The following FIGN variants were observed in gnomAD, a reference collection of about 807,000 sequenced individuals.
FIGN encodes fidgetin, microtubule severing factor, also known as fidgetin.
FIGN carries 11 observed loss-of-function variants against 51.3 expected under a neutral mutation model. The observed-to-expected ratio is 0.21, with a 90% CI of 0.13 to 0.35. FIGN has a LOEUF of 0.35. Among genes scored for constraint, FIGN ranks in the 10% least tolerant of loss-of-function variants. The pLI is 1.00. For missense variants in FIGN, 857 were observed against 943.6 expected (o/e 0.91, Z 1.20); for synonymous variants, 407 against 363.2 (o/e 1.12, Z -1.37).
chr2:163,635,701 G>A (rs370525209), intron 2 of FIGN, among the ~76,000 whole-genome samples: 30 of 152,218 alleles, frequency 2.0e-4, no homozygotes, highest in South Asian at 1.2e-3. Flanking sequence ...TTAACAGAGC[G>A]TATACCATGA....
At chr2:163,637,963 C>T (rs1169519905) in intron 2 of FIGN, among the ~76,000 whole-genome samples, 1 of 152,092 alleles carries the variant, frequency 6.6e-6, no homozygotes, top group Non-Finnish European at 1.5e-5. Flanking sequence ...AATAGACAGT[C>T]ATCTGCAAAT....
intron 2 of FIGN, among the ~76,000 whole-genome samples, chr2:163,632,921 T>TA (rs1683170078): frequency 6.6e-6 from 1 of 152,160 alleles, no homozygotes; most frequent in Non-Finnish European, 1.5e-5. Context: ...CCAGGTTGGG[T>TA]GGCTCATGCC....
At chr2:163,715,564 G>A (rs1182150021) in intron 2 of FIGN, among the ~76,000 whole-genome samples, 1 of 152,184 alleles carries the variant, frequency 6.6e-6, no homozygotes, top group Non-Finnish European at 1.5e-5. Context: ...GCATTGACAG[G>A]TACATGCAAA....
rs1684220101 is a variant in FIGN at position 163,690,296 on chromosome 2, A to G, written c.25+44607T>C. Among the ~76,000 whole-genome samples, 5 of 152,204 alleles carry G rather than the reference A, an allele frequency of 3.3e-5. No individual in the cohort carries two copies. The South Asian group carries it at 1.0e-3, about 31-fold the overall frequency. On this transcript the variant is annotated intron_variant, in intron 2 of 2. Coordinates refer to ENST00000333129, the MANE Select transcript of FIGN (RefSeq NM_018086.4). ...CTAACTCAGGAATGGACATAATTGTAGTTCAAAACAATAGGTTATATCTTC... is the reference window on the plus strand; with the variant it reads ...CTAACTCAGGAATGGACATAATTGTGGTTCAAAACAATAGGTTATATCTTC...
At chr2:163,645,843 T>C (rs1683373591) in intron 2 of FIGN, among the ~76,000 whole-genome samples, 1 of 152,202 alleles carries the variant, frequency 6.6e-6, no homozygotes, top group Admixed American at 6.5e-5. Context: ...CTGGTCATTT[T>C]CCAATGCTTT....
chr2:163,700,939 T>C (rs961567551), intron 2 of FIGN, among the ~76,000 whole-genome samples: 1 of 152,158 alleles, frequency 6.6e-6, no homozygotes, highest in Non-Finnish European at 1.5e-5. Context: ...AATCAATTCA[T>C]ATTTCTGGAA....
chr2:163,707,028 G>C (rs980990302), intron 2 of FIGN, among the ~76,000 whole-genome samples: 7 of 152,064 alleles, frequency 4.6e-5, no homozygotes, highest in Non-Finnish European at 4.4e-5. Context: ...CAATAAAATT[G>C]TACAAGAGTT....
chr2:163,658,963 G>GC (rs1266372580), intron 2 of FIGN, among the ~76,000 whole-genome samples: 1 of 152,022 alleles, frequency 6.6e-6, no homozygotes, highest in Non-Finnish European at 1.5e-5. Flanking sequence ...AACTCCTTGT[G>GC]CCCCACGTAA....
In FIGN at chr2:163,711,736, C is replaced by T. The variant is rs375600741; in HGVS notation, c.25+23167G>A. ...TGTAAGCAAGGCAAAGAGACTTGTACCAATCAGATACTATTTCTACTTCCA... is the reference window on the plus strand; with the variant it reads ...TGTAAGCAAGGCAAAGAGACTTGTATCAATCAGATACTATTTCTACTTCCA... On this transcript the variant is annotated intron_variant, in intron 2 of 2. Coordinates refer to ENST00000333129, the MANE Select transcript of FIGN (RefSeq NM_018086.4). 3.3e-5 allele frequency among the ~76,000 whole-genome samples: 5 copies of T among 151,314 alleles called. No individual in the cohort carries two copies. The South Asian group carries it at 6.3e-4, about 19-fold the overall frequency.
chr2:163,661,087 T>C (rs1476034226), intron 2 of FIGN, among the ~76,000 whole-genome samples: 1 of 148,282 alleles, frequency 6.7e-6, no homozygotes, highest in Non-Finnish European at 1.5e-5. Flanking sequence ...TTTCACCATG[T>C]TGGCCAAGCT....
intron 2 of FIGN, among the ~76,000 whole-genome samples, chr2:163,708,432 G>T (rs1461503028): frequency 1.3e-5 from 2 of 152,124 alleles, no homozygotes; most frequent in Non-Finnish European, 2.9e-5. Context: ...TAACGGAGGA[G>T]GTCATTTCAC....
chr2:163,723,224 A>G (rs1055986487), intron 2 of FIGN, among the ~76,000 whole-genome samples: 6 of 151,860 alleles, frequency 4.0e-5, no homozygotes, highest in Non-Finnish European at 2.9e-5. Flanking sequence ...AATAAAATAA[A>G]ATAAAATATT....
At chr2:163,708,783 A>G (rs971475639) in intron 2 of FIGN, among the ~76,000 whole-genome samples, 19 of 152,146 alleles carry the variant, frequency 1.2e-4, no homozygotes, top group African/African-American at 4.6e-4. Flanking sequence ...GGGGAGAAAA[A>G]GAAAAACAAG....
chr2:163,633,051 G>A (rs113059309), intron 2 of FIGN, among the ~76,000 whole-genome samples: 1 of 151,986 alleles, frequency 6.6e-6, no homozygotes, highest in African/African-American at 2.4e-5. Context: ...AGGTGTGGTC[G>A]TGTGCACCTA....
intron 2 of FIGN, among the ~76,000 whole-genome samples, chr2:163,620,680 A>G (rs1330030685): frequency 6.6e-6 from 1 of 152,164 alleles, no homozygotes; most frequent in Admixed American, 6.5e-5. Context: ...AGGTTATTCC[A>G]GTTGATTCTC....
intron 2 of FIGN, among the ~76,000 whole-genome samples, chr2:163,718,470 C>A (rs1469382553): frequency 6.6e-6 from 1 of 152,206 alleles, no homozygotes; most frequent in African/African-American, 2.4e-5. Context: ...ATCAGTGGAA[C>A]TGTCTGATTC....
chr2:163,703,052 T>C (rs1684434669), intron 2 of FIGN, among the ~76,000 whole-genome samples: 2 of 151,908 alleles, frequency 1.3e-5, no homozygotes, highest in African/African-American at 4.8e-5. Context: ...TTTTGGTATT[T>C]GCAGAATTTA....
Position 163,634,285 on chromosome 2 carries a change from T to C in FIGN, c.26-22479A>G, listed in dbSNP as rs183996266. On this transcript the variant is annotated intron_variant, in intron 2 of 2. Transcript: ENST00000333129. ...TATTCAAGTCATTTTTCATGCCAAG[T>C]CTTCATTTTCCCTTGACCACTTTAA... Among the ~76,000 whole-genome samples the C allele has an allele frequency of 2.0e-3, 306 of 152,294 alleles. 4 individuals are homozygous for C. The highest frequency in any genetic ancestry group is 2.3e-3 in the Non-Finnish European group (154 of 68,026).
At chr2:163,613,180 C>T (rs1002800705) in intron 2 of FIGN, among the ~76,000 whole-genome samples, 1 of 151,966 alleles carries the variant, frequency 6.6e-6, no homozygotes, top group Non-Finnish European at 1.5e-5. Context: ...CCCTGTTCTC[C>T]TTTTTCCCAT....
Sources: gnomAD v4.1 joint callset for allele counts (sites outside exome capture counted in the v4.1 genomes callset) on GRCh38, gnomAD v4.1.1 for gene constraint, MANE v1.5 for transcripts, NCBI Gene and HGNC (gene_info 2026-07-23, HGNC 2026-07-21) for gene names.